The following STATH variants were observed in gnomAD, a reference collection of about 807,000 sequenced individuals.
The protein encoded by STATH is statherin.
Under a neutral mutation model 13.3 loss-of-function variants are expected in STATH, and 11 were observed. That is an observed-to-expected ratio of 0.83 (90% CI 0.52 to 1.37). The LOEUF is 1.37. STATH is among the 40% of genes most tolerant of loss of function. The pLI is 0.00. For missense variants in STATH, 78 were observed against 73.3 expected, an observed-to-expected ratio of 1.06 and a Z score of -0.24; for synonymous variants, 25 against 23.6, an observed-to-expected ratio of 1.06 and a Z score of -0.17.
chr4:69,999,100 C>G (rs1337105370), intron 2 of STATH: 1 of 152,738 alleles, frequency 6.5e-6, no homozygotes, highest in Non-Finnish European at 1.5e-5. Context: ...CCTTCTATTT[C>G]TCCTGTCCCT....
chr4:69,999,667 G>T lies in STATH; in HGVS notation c.52G>T (p.Gly18Ter), dbSNP rs1560414077. 2 of 1,610,248 alleles carry T rather than the reference G, an allele frequency of 1.2e-6. No individual in the cohort carries two copies. Among genetic ancestry groups the T allele is most frequent in the Non-Finnish European group, 1.7e-6 (2 of 1,178,452 alleles). The change falls in exon 3 of 6, where the codon GGA becomes TGA. Residue 18 changes from glycine to a stop codon, truncating the protein, a stop_gained and splice_region_variant. Coordinates refer to ENST00000246895, the MANE Select transcript of STATH (RefSeq NM_003154.3). LOFTEE classifies it high-confidence loss of function. Reference protein sequence around the residue: ...FILALMVSMIGADSSEEKFLR... With the variant: ...FILALMVSMI ...ATTGTCTAATTTTCTGTTTTCTAAG[G>T]GAGCTGATTCATCTGAAGAGGTGAG... is the stretch of plus-strand genomic sequence containing the variant.
chr4:69,996,511 T>C lies in STATH; in HGVS notation c.-16+486T>C, dbSNP rs569151060. On this transcript the variant is annotated intron_variant, in intron 1 of 5. Coordinates refer to ENST00000246895, the MANE Select transcript of STATH (RefSeq NM_003154.3). ...ACCTTTCCATCATTTTAAACAGTTATGTCATTCTGCATAATAAAAAATGTT... is the reference window on the plus strand; with the variant it reads ...ACCTTTCCATCATTTTAAACAGTTACGTCATTCTGCATAATAAAAAATGTT... Among the ~76,000 whole-genome samples, 12 of 152,282 alleles carry C rather than the reference T, an allele frequency of 7.9e-5. No homozygotes were observed. The South Asian group carries it at 2.5e-3, about 32-fold the overall frequency.
intron 5 of STATH, 30 bp from the exon 6 acceptor site, chr4:70,002,159 A>T (rs947750548): frequency 6.6e-6 from 1 of 151,030 alleles, no homozygotes; most frequent in African/African-American, 2.4e-5. Flanking sequence ...AATTTTACAG[A>T]TAATCTGTTA....
chr4:70,002,128 A>T (rs577834997), intron 5 of STATH, 61 bp from the exon 6 acceptor site: 1 of 151,804 alleles, frequency 6.6e-6, no homozygotes, highest in East Asian at 1.9e-4. Flanking sequence ...GCCAGAATAT[A>T]AATGTGTTTA....
chr4:70,002,503 C>A lies in STATH; in HGVS notation c.*348C>A, dbSNP rs905768598. The stretch of plus-strand genomic sequence containing the variant: ...TTTCTATTTATAGGAATAATGATTT[C>A]TTTCATCATCTTCTTTCCCAGTTTG... On this transcript the variant is annotated 3_prime_UTR_variant, in exon 6 of 6. Coordinates refer to ENST00000246895, the MANE Select transcript of STATH (RefSeq NM_003154.3). 2 of 151,588 alleles carry A rather than the reference C, an allele frequency of 1.3e-5. No homozygotes were observed. Among genetic ancestry groups the A allele is most frequent in the African/African-American group, 4.8e-5 (2 of 41,356 alleles). 9.4% of individuals were successfully genotyped at this position (151,588 alleles called of 1,614,324 possible). A position where few individuals can be genotyped will look rare whatever the true frequency, so the allele number is the denominator to read the frequency against.
intron 5 of STATH, among the ~76,000 whole-genome samples, chr4:70,001,545 C>T (rs1051368168): frequency 6.6e-6 from 1 of 151,698 alleles, no homozygotes; most frequent in Admixed American, 6.6e-5. Context: ...TGAGCAATTA[C>T]TATAGAAATT....
rs143140078 is a variant in STATH, at chr4:70,001,059, A to C, written c.*33+77A>C. 746 of 985,906 alleles carry C rather than the reference A, an allele frequency of 7.6e-4. 8 individuals carry two copies. The African/African-American group carries it at 0.01, about 14-fold the overall frequency. The allele number at this position is 985,906 out of a possible 1,614,324, so 61.1% of individuals were successfully genotyped here. On this transcript the variant is annotated intron_variant, in intron 5 of 5. Coordinates refer to ENST00000246895, the MANE Select transcript of STATH (RefSeq NM_003154.3). Reference sequence around the variant, plus strand: ...TTAAAAGAAGAAAAACAAAAACAAGACATTAAACCAACAGCAGTTCCAGTA... The same window carrying C: ...TTAAAAGAAGAAAAACAAAAACAAGCCATTAAACCAACAGCAGTTCCAGTA...
At chr4:70,001,388 A>C (rs1344932263) in intron 5 of STATH, among the ~76,000 whole-genome samples, 1 of 151,896 alleles carries the variant, frequency 6.6e-6, no homozygotes. Context: ...TTGTAGTTAT[A>C]ACTGCAGGGC....
Position 69,997,716 on chromosome 4 carries a change from C to T in STATH, c.-15-707C>T, listed in dbSNP as rs114615696. The stretch of plus-strand genomic sequence containing the variant: ...TAAGTCATCTTCACCAATTCAACTT[C>T]TCAGAGGAGGTACGAATATTTTCTC... On this transcript the variant is annotated intron_variant, in intron 1 of 5. Transcript: ENST00000246895. Among the ~76,000 whole-genome samples the T allele has an allele frequency of 2.2e-3, 329 of 152,216 alleles. 3 individuals carry two copies. The highest frequency in any genetic ancestry group is 7.6e-3 in the African/African-American group (314 of 41,542).
rs550543808 is a variant in STATH at position 69,998,421 on chromosome 4, A to T, written c.-15-2A>T. ...ATACTGAATTTCCACATATGTTTTC[A>T]GAGAACCCAGCCAACTATGAAGTTC... is the stretch of plus-strand genomic sequence containing the variant. On this transcript the variant is annotated splice_acceptor_variant, in intron 1 of 5. Transcript: ENST00000246895. LOFTEE classifies it low-confidence loss of function (5UTR_SPLICE). The T allele has an allele frequency of 2.5e-6, 4 of 1,609,032 alleles. No individual in the cohort carries two copies. Among genetic ancestry groups the T allele is most frequent in the African/African-American group, 1.3e-5 (1 of 74,772 alleles).
chr4:70,001,014 T>C, intron 5 of STATH, 32 bp downstream of exon 5: 1 of 1,460,588 alleles, frequency 6.8e-7, no homozygotes, highest in Non-Finnish European at 9.6e-7. Context: ...TTTTTTTACT[T>C]TCTGTATCAG....
chr4:69,999,897 C>T, intron 4 of STATH, 88 bp downstream of exon 4: 4 of 1,461,050 alleles, frequency 2.7e-6, no homozygotes, highest in East Asian at 4.6e-5. Flanking sequence ...ACTTATTTCT[C>T]AAATATGTGT....
At chr4:69,997,395 T>A (rs1724537807) in intron 1 of STATH, among the ~76,000 whole-genome samples, 1 of 152,172 alleles carries the variant, frequency 6.6e-6, no homozygotes, top group Non-Finnish European at 1.5e-5. Flanking sequence ...ATTCTTGTAA[T>A]GTTTTATCAC....
At chr4:69,999,577 C>A in intron 2 of STATH, 90 bp from the exon 3 acceptor site, 1 of 1,325,352 alleles carries the variant, frequency 7.5e-7, no homozygotes. Context: ...CCTGTTTACT[C>A]ACAACTGTAG....
At chr4:69,997,953 C>T (rs1464166957) in intron 1 of STATH, among the ~76,000 whole-genome samples, 1 of 152,060 alleles carries the variant, frequency 6.6e-6, no homozygotes, top group African/African-American at 2.4e-5. Context: ...TTAAGGCGCC[C>T]CATAATATCC....
At chr4:69,999,900 A>G in intron 4 of STATH, 91 bp downstream of exon 4, 1 of 1,461,578 alleles carries the variant, frequency 6.8e-7, no homozygotes, top group Non-Finnish European at 9.5e-7. Context: ...TATTTCTCAA[A>G]TATGTGTAGT....
chr4:69,998,294 C>T, intron 1 of STATH, 129 bp from the exon 2 acceptor site: 1 of 624,716 alleles, frequency 1.6e-6, no homozygotes, highest in Non-Finnish European at 2.8e-6. Context: ...TGATGTCAGG[C>T]AATGGGTTTT....
At chr4:69,996,927 CTTTTTTT>C (rs34282662) in intron 1 of STATH, among the ~76,000 whole-genome samples, 54 of 107,586 alleles carry the variant, frequency 5.0e-4, no homozygotes, top group African/African-American at 1.7e-3. Flanking sequence ...CAGAAATTTC[CTTTTTTT>C]TTTTTTTTTT....
chr4:69,996,760 G>A (rs1182827660), intron 1 of STATH, among the ~76,000 whole-genome samples: 2 of 151,506 alleles, frequency 1.3e-5, no homozygotes, highest in African/African-American at 4.9e-5. Flanking sequence ...TCTTCTATGA[G>A]CATTTTTTGA....
Sources: gnomAD v4.1 joint callset for allele counts (sites outside exome capture counted in the v4.1 genomes callset) on GRCh38, gnomAD v4.1.1 for gene constraint, MANE v1.5 for transcripts, NCBI Gene and HGNC (gene_info 2026-07-23, HGNC 2026-07-21) for gene names.